The following HS3ST2 variants were observed in gnomAD, a reference collection of about 807,000 sequenced individuals.
The protein encoded by HS3ST2 is heparan sulfate glucosamine 3-O-sulfotransferase 2.
HS3ST2 carries 17 observed loss-of-function variants against 26.3 expected under a neutral mutation model. That is an observed-to-expected ratio of 0.65 (90% CI 0.44 to 0.97). The LOEUF (loss-of-function observed/expected upper bound fraction) is 0.97, where lower values mean the gene tolerates loss of function less well. Among genes scored for constraint, HS3ST2 ranks in the 50% least tolerant of loss-of-function variants. HS3ST2 has a pLI of 0.00. For missense variants in HS3ST2, 402 were observed against 501.2 expected (o/e 0.80, Z 1.89); for synonymous variants, 237 against 219.2 (o/e 1.08, Z -0.72).
At chr16:22,905,014 C>A (rs1432848105) in intron 1 of HS3ST2, among the ~76,000 whole-genome samples, 1 of 152,152 alleles carries the variant, frequency 6.6e-6, no homozygotes, top group Non-Finnish European at 1.5e-5. Context: ...CAGTTTCTTG[C>A]AATAAGGCCT....
chr16:22,903,069 T>C (rs544486986), intron 1 of HS3ST2, among the ~76,000 whole-genome samples: 1 of 152,310 alleles, frequency 6.6e-6, no homozygotes, highest in South Asian at 2.1e-4. Flanking sequence ...TTTAAGAGTC[T>C]AACTTTTCCA....
At chr16:22,848,991 A>G (rs1901483769) in intron 1 of HS3ST2, among the ~76,000 whole-genome samples, 1 of 152,232 alleles carries the variant, frequency 6.6e-6, no homozygotes, top group South Asian at 2.1e-4. Flanking sequence ...CATTTAGAAC[A>G]TTTAAAAATC....
At chr16:22,849,704 A>G (rs75319098) in intron 1 of HS3ST2, among the ~76,000 whole-genome samples, 2,925 of 152,296 alleles carry the variant, frequency 0.019, 51 homozygotes, top group Non-Finnish European at 0.03. Context: ...GTCTGCCTGG[A>G]GGCAGCTTCA....
At chr16:22,898,010 C>A (rs1466262685) in intron 1 of HS3ST2, among the ~76,000 whole-genome samples, 1 of 152,228 alleles carries the variant, frequency 6.6e-6, no homozygotes, top group Admixed American at 6.5e-5. Context: ...TTGGGAAATT[C>A]TTTCTAAAGA....
intron 1 of HS3ST2, among the ~76,000 whole-genome samples, chr16:22,821,980 C>T (rs1158502611): frequency 6.6e-6 from 1 of 152,146 alleles, no homozygotes; most frequent in Non-Finnish European, 1.5e-5. Flanking sequence ...CTGACAATGG[C>T]TCCACCTCAG....
At chr16:22,826,659 C>T (rs566875206) in intron 1 of HS3ST2, among the ~76,000 whole-genome samples, 3 of 152,120 alleles carry the variant, frequency 2.0e-5, no homozygotes, top group Non-Finnish European at 4.4e-5. Context: ...AATAAATATG[C>T]GTTGAGTGAA....
At chr16:22,862,063 C>T (rs1453257748) in intron 1 of HS3ST2, among the ~76,000 whole-genome samples, 1 of 152,184 alleles carries the variant, frequency 6.6e-6, no homozygotes, top group Non-Finnish European at 1.5e-5. Flanking sequence ...ATGTGAGCTC[C>T]ATGAGTAGGG....
intron 1 of HS3ST2, among the ~76,000 whole-genome samples, chr16:22,902,852 C>T (rs937493390): frequency 1.3e-5 from 2 of 152,166 alleles, no homozygotes; most frequent in African/African-American, 2.4e-5. Flanking sequence ...TCTTTTCTCA[C>T]GCCTATGATC....
rs1670532890 is a variant in HS3ST2 at position 22,913,834 on chromosome 16, CTACAAAAAA to C, written c.486-1098_486-1090del. Among the ~76,000 whole-genome samples the C allele has an allele frequency of 3.9e-5, 6 of 152,084 alleles. 1 individual carries two copies. In the South Asian group the frequency reaches 1.2e-3, roughly 32 times the overall value. On this transcript the variant is annotated intron_variant, in intron 1 of 1. Coordinates refer to ENST00000261374, the MANE Select transcript of HS3ST2 (RefSeq NM_006043.2). ...AGGGCAACATAGTGAGACCCTATCT[CTACAAAAAA>C]TACAAAAAATAAGCCAGGCATGGTG...
chr16:22,912,284 GAA>G (rs1902433622), intron 1 of HS3ST2, among the ~76,000 whole-genome samples: 2 of 152,198 alleles, frequency 1.3e-5, no homozygotes, highest in Admixed American at 1.3e-4. Flanking sequence ...GTATGGCCAT[GAA>G]AAAGAGTTGG....
At position 22,814,436 on chromosome 16, in the gene HS3ST2, C is replaced by T; in HGVS notation, c.-175C>T. The stretch of plus-strand genomic sequence containing the variant: ...CGAGGAGCCGCTGCCCCCGGGACCC[C>T]CTGGCACTGTGCGCACCCTGGTCAG... On this transcript the variant is annotated 5_prime_UTR_variant, in exon 1 of 2. Coordinates refer to ENST00000261374, the MANE Select transcript of HS3ST2 (RefSeq NM_006043.2). 1 of 576,474 alleles carries T rather than the reference C, an allele frequency of 1.7e-6. No homozygotes were observed. Among genetic ancestry groups the T allele is most frequent in the South Asian group, 2.7e-5 (1 of 37,218 alleles). The allele number at this position is 576,474 out of a possible 1,614,324, so 35.7% of individuals were successfully genotyped here.
chr16:22,894,971 T>C (rs1254693954), intron 1 of HS3ST2, among the ~76,000 whole-genome samples: 6 of 152,196 alleles, frequency 3.9e-5, no homozygotes, highest in Non-Finnish European at 8.8e-5. Context: ...ATCAATCTAG[T>C]GCTAATCAGA....
intron 1 of HS3ST2, among the ~76,000 whole-genome samples, chr16:22,819,284 A>G (rs1177862459): frequency 6.6e-6 from 1 of 151,754 alleles, no homozygotes; most frequent in African/African-American, 2.4e-5. Flanking sequence ...GTGAAATGGC[A>G]ATGATGCCTG....
intron 1 of HS3ST2, among the ~76,000 whole-genome samples, chr16:22,833,612 T>G (rs1330895154): frequency 2.6e-5 from 4 of 152,130 alleles, no homozygotes; most frequent in Admixed American, 2.0e-4. Flanking sequence ...GAGAAAGATA[T>G]TTGTTATTTC....
chr16:22,912,963 A>T (rs1902441540), intron 1 of HS3ST2, among the ~76,000 whole-genome samples: 1 of 151,932 alleles, frequency 6.6e-6, no homozygotes, highest in Admixed American at 6.6e-5. Flanking sequence ...CTCCTACCTC[A>T]TTAGGATTGG....
At chr16:22,882,370 A>T (rs1391458115) in intron 1 of HS3ST2, among the ~76,000 whole-genome samples, 3 of 152,150 alleles carry the variant, frequency 2.0e-5, no homozygotes, top group African/African-American at 7.2e-5. Flanking sequence ...TCAAAAAATT[A>T]AAAAATGATA....
At chr16:22,883,890 C>G (rs1255789759) in intron 1 of HS3ST2, among the ~76,000 whole-genome samples, 3 of 152,194 alleles carry the variant, frequency 2.0e-5, no homozygotes, top group South Asian at 2.1e-4. Context: ...GGGAACCCAC[C>G]CAGCCAGCCA....
intron 1 of HS3ST2, among the ~76,000 whole-genome samples, chr16:22,882,442 A>G (rs1902000981): frequency 1.3e-5 from 2 of 152,090 alleles, no homozygotes; most frequent in African/African-American, 4.8e-5. Flanking sequence ...CTGCATTAAG[A>G]TTCCCAGATC....
At chr16:22,841,048 A>T in intron 1 of HS3ST2, among the ~76,000 whole-genome samples, 1 of 139,238 alleles carries the variant, frequency 7.2e-6, no homozygotes. Flanking sequence ...CCCACCTATG[A>T]GTGAGAGCAA....
Sources: allele counts gnomAD v4.1 joint callset (sites outside exome capture counted in the v4.1 genomes callset), GRCh38; gene constraint gnomAD v4.1.1; transcripts MANE v1.5; gene names NCBI Gene and HGNC (gene_info 2026-07-23, HGNC 2026-07-21).